The following MAEA variants were observed in gnomAD, a reference collection of about 807,000 sequenced individuals.
MAEA encodes E3 ubiquitin-protein transferase MAEA.
In MAEA, 22 loss-of-function variants were observed where a neutral mutation model predicts 46.2. That is an observed-to-expected ratio of 0.48 (90% CI 0.34 to 0.68). The LOEUF (loss-of-function observed/expected upper bound fraction) is 0.68. MAEA is among the 30% of genes least tolerant of loss of function. The pLI is 0.01. For synonymous variants in MAEA, 246 were observed against 222.6 expected (o/e 1.11, Z -0.94); for missense variants, 393 against 558.1 (o/e 0.70, Z 2.98).
At chr4:1,328,649 A>C (rs1237234057) in intron 5 of MAEA, 1 of 1,275,042 alleles carries the variant, frequency 7.8e-7, no homozygotes, top group Non-Finnish European at 1.0e-6. Context: ...CGGGTGGCCG[A>C]GTGTTCCACA....
chr4:1,309,368 C>T, intron 1 of MAEA: 1 of 1,192,756 alleles, frequency 8.4e-7, no homozygotes, highest in Non-Finnish European at 1.1e-6. Context: ...CAGCCCAGGC[C>T]AGTGGAGGGG....
intron 6 of MAEA, chr4:1,334,809 T>A: frequency 1.1e-6 from 1 of 945,254 alleles, no homozygotes; most frequent in Non-Finnish European, 1.3e-6. Context: ...CAACCAGTCC[T>A]GGGGAGTGAG....
intron 1 of MAEA, among the ~76,000 whole-genome samples, chr4:1,298,792 G>T (rs1421047656): frequency 6.6e-6 from 1 of 152,140 alleles, no homozygotes; most frequent in African/African-American, 2.4e-5. Flanking sequence ...TCCCAGGCAG[G>T]TATCTTCCCA....
chr4:1,335,232 T>G, intron 6 of MAEA: 7 of 985,502 alleles, frequency 7.1e-6, no homozygotes, highest in Non-Finnish European at 8.4e-6. Flanking sequence ...ATGATTTCTC[T>G]GAAGTAAGAG....
intron 1 of MAEA, among the ~76,000 whole-genome samples, chr4:1,292,479 G>C (rs1423963215): frequency 1.3e-5 from 2 of 152,106 alleles, no homozygotes; most frequent in African/African-American, 2.4e-5. Flanking sequence ...ACTGACCTTG[G>C]GCACCTCTGT....
intron 1 of MAEA, among the ~76,000 whole-genome samples, chr4:1,296,663 A>G (rs901987149): frequency 6.7e-6 from 1 of 150,144 alleles, no homozygotes; most frequent in African/African-American, 2.5e-5. Flanking sequence ...TCCTCCAGCT[A>G]CTACTCCCTG....
rs1326457259 is a variant in MAEA at position 1,311,278 on chromosome 4, C to T, written c.70-701C>T. ...CCACGGAGGCCGGGGAGCGCTGGGG[C>T]GTGATTCTGTCGTGCCGCTTTCAAA... is the stretch of plus-strand genomic sequence containing the variant. On this transcript the variant is annotated intron_variant, in intron 1 of 8. Coordinates refer to ENST00000303400, the MANE Select transcript of MAEA (RefSeq NM_001017405.3). The surrounding 1 kb of genome is among the most constrained non-coding windows in gnomAD (Gnocchi z 4.4). Among the ~76,000 whole-genome samples, 3 of 152,222 alleles carry T rather than the reference C, an allele frequency of 2.0e-5. No individual in the cohort carries two copies. The highest frequency in any genetic ancestry group is 4.8e-5 in the African/African-American group (2 of 41,464).
At chr4:1,322,013 G>A (rs1180743907) in intron 3 of MAEA, among the ~76,000 whole-genome samples, 4 of 152,178 alleles carry the variant, frequency 2.6e-5, no homozygotes, top group Non-Finnish European at 4.4e-5. Flanking sequence ...CCCAGGGAGG[G>A]CCTGTAGATG....
rs74452148 is a variant in MAEA at position 1,311,765 on chromosome 4, G to A, written c.70-214G>A. On this transcript the variant is annotated intron_variant, in intron 1 of 8. Transcript: ENST00000303400. The surrounding 1 kb of genome is among the most constrained non-coding windows in gnomAD (Gnocchi z 4.4). The stretch of plus-strand genomic sequence containing the variant: ...TACAATGTTTTTGGCAAAAATTGGG[G>A]TTGCTTCTCATCCAGGGATGTGGAG... Among the ~76,000 whole-genome samples the A allele has an allele frequency of 0.024, 3,693 of 152,316 alleles. 142 individuals carry two copies. Among genetic ancestry groups the A allele is most frequent in the African/African-American group, 0.082 (3,398 of 41,552 alleles).
At chr4:1,325,804 C>G (rs1738740404) in intron 4 of MAEA, among the ~76,000 whole-genome samples, 4 of 152,126 alleles carry the variant, frequency 2.6e-5, no homozygotes, top group African/African-American at 4.8e-5. Context: ...GACTCGGGAC[C>G]CTGGGATGAC....
chr4:1,302,204 G>A (rs1735387230), intron 1 of MAEA, among the ~76,000 whole-genome samples: 1 of 152,204 alleles, frequency 6.6e-6, no homozygotes, highest in Non-Finnish European at 1.5e-5. Context: ...TTGGTTCAAC[G>A]TGTGAAAATC....
In MAEA at chr4:1,315,662, C is replaced by T. The variant is rs1737035084; in HGVS notation, c.456+62C>T. The T allele has an allele frequency of 3.2e-6, 5 of 1,546,718 alleles. No individual in the cohort carries two copies. The South Asian group carries it at 4.5e-5, about 14-fold the overall frequency. ...TGGCCCCAGGCCTATGGCCAGCCGC[C>T]CTGTGGCATGTCCCCCGGCATGCCT... On this transcript the variant is annotated intron_variant, in intron 3 of 8. Coordinates refer to ENST00000303400, the MANE Select transcript of MAEA (RefSeq NM_001017405.3).
intron 1 of MAEA, among the ~76,000 whole-genome samples, chr4:1,306,815 TCA>T (rs1324068758): frequency 6.6e-6 from 1 of 152,218 alleles, no homozygotes; most frequent in Non-Finnish European, 1.5e-5. Flanking sequence ...CTAAGGAGTT[TCA>T]CAGTTTGAGC....
chr4:1,329,585 C>A (rs1739278695), intron 5 of MAEA: 6 of 985,220 alleles, frequency 6.1e-6, no homozygotes, highest in African/African-American at 1.7e-5. Flanking sequence ...TGAGCTACAT[C>A]CTCTGCTGGG....
At chr4:1,332,915 G>A in intron 6 of MAEA, 50 bp downstream of exon 6, 1 of 1,436,674 alleles carries the variant, frequency 7.0e-7, no homozygotes, top group Non-Finnish European at 9.6e-7. Flanking sequence ...GGGGATCCAG[G>A]GTGTGTCTCT....
intron 1 of MAEA, among the ~76,000 whole-genome samples, chr4:1,297,146 C>G (rs1040250915): frequency 1.4e-4 from 21 of 152,250 alleles, no homozygotes; most frequent in African/African-American, 5.1e-4. Context: ...GAGCCCCAGA[C>G]CTGCCTTACT....
chr4:1,329,727 A>T, intron 5 of MAEA: 1 of 985,002 alleles, frequency 1.0e-6, no homozygotes, highest in Non-Finnish European at 1.2e-6. Flanking sequence ...CATCGGCAGG[A>T]CGTTTGTGGG....
intron 6 of MAEA, chr4:1,335,572 T>C (rs36105735): frequency 0.073 from 33,127 of 451,594 alleles, 6,507 homozygotes; most frequent in Admixed American, 0.26. Flanking sequence ...TGTGTTGAAA[T>C]CACAGAGTTA....
At position 1,339,930 on chromosome 4, in the gene MAEA, C is replaced by T. The variant is rs1713289034; in HGVS notation, c.*761C>T. ...GAGGCCTTGCCGGATGGTTCCATAA[C>T]TGTAGAGTCTAATTGCTATCCATTA... is the stretch of plus-strand genomic sequence containing the variant. On this transcript the variant is annotated 3_prime_UTR_variant, in exon 9 of 9. Coordinates refer to ENST00000303400, the MANE Select transcript of MAEA (RefSeq NM_001017405.3). The T allele has an allele frequency of 6.5e-6, 1 of 152,720 alleles. No individual in the cohort carries two copies. The highest frequency in any genetic ancestry group is 2.4e-5 in the African/African-American group (1 of 41,464). 9.5% of individuals were successfully genotyped at this position (152,720 alleles called of 1,614,324 possible).
Sources: allele counts gnomAD v4.1 joint callset (sites outside exome capture counted in the v4.1 genomes callset), GRCh38; gene constraint gnomAD v4.1.1; non-coding constraint Gnocchi (gnomAD v3.1); transcripts MANE v1.5; gene names NCBI Gene and HGNC (gene_info 2026-07-23, HGNC 2026-07-21).